FGD2: variants seen among roughly 807,000 people sequenced by gnomAD.
The protein encoded by FGD2 is FYVE, RhoGEF and PH domain-containing protein 2.
A neutral mutation model predicts 75.9 loss-of-function variants in FGD2; 52 were observed. That is an observed-to-expected ratio of 0.69 (90% CI 0.55 to 0.86). FGD2 has a LOEUF of 0.86. Ranked by LOEUF, FGD2 falls within the 40% of genes least tolerant of loss-of-function variation. The probability of loss-of-function intolerance (pLI) is 0.00; values close to 1 mark genes in which losing one functional copy is unlikely to be tolerated. For missense variants in FGD2, 790 were observed against 872.0 expected, an observed-to-expected ratio of 0.91 and a Z score of 1.18; for synonymous variants, 347 against 348.6, an observed-to-expected ratio of 1.00 and a Z score of 0.05.
chr6:37,010,822 A>C, intron 2 of FGD2, 151 bp from the exon 3 acceptor site: 1 of 698,392 alleles, frequency 1.4e-6, no homozygotes, highest in South Asian at 1.7e-5. Flanking sequence ...AAGCCACCCC[A>C]GGGCCGGCCC....
At chr6:37,020,037 G>A (rs1247772958) in intron 9 of FGD2, among the ~76,000 whole-genome samples, 2 of 152,042 alleles carry the variant, frequency 1.3e-5, no homozygotes, top group Non-Finnish European at 2.9e-5. Context: ...ACTTTTAGAA[G>A]AGATGGGTTT....
Position 37,014,113 on chromosome 6 carries a change from C to G in FGD2, c.823+13C>G. The G allele has an allele frequency of 6.2e-7, 1 of 1,611,274 alleles. No individual in the cohort carries two copies. Among genetic ancestry groups the G allele is most frequent in the East Asian group, 2.2e-5 (1 of 44,864 alleles). On this transcript the variant is annotated intron_variant, in intron 6 of 15. Transcript: ENST00000274963. Reference sequence around the variant, plus strand: ...GCCGATGCCCAGAGTGAGGACACCCCCAGGGGTCCCAGGGGGCTGAGGAGG... The same window carrying G: ...GCCGATGCCCAGAGTGAGGACACCCGCAGGGGTCCCAGGGGGCTGAGGAGG...
intron 6 of FGD2, 43 bp from the exon 7 acceptor site, chr6:37,014,603 C>T: frequency 3.1e-6 from 5 of 1,610,076 alleles, no homozygotes; most frequent in South Asian, 1.1e-5. Flanking sequence ...CAGCCACCAG[C>T]CCTAGATTCT....
intron 14 of FGD2, 148 bp downstream of exon 14, chr6:37,026,086 C>A: frequency 1.4e-6 from 2 of 1,459,514 alleles, no homozygotes; most frequent in South Asian, 1.4e-5. Flanking sequence ...TCTCTCTGCC[C>A]ACAGACCCCA....
chr6:37,021,534 A>G lies in FGD2; in HGVS notation c.1256A>G (p.Gln419Arg). Reference sequence around the variant, plus strand: ...CAGGCCTTCCAAGCAGCCATTGACCAAATCGAGAAGCGGAATGAAACCTTC... The same window carrying G: ...CAGGCCTTCCAAGCAGCCATTGACCGAATCGAGAAGCGGAATGAAACCTTC... ...WMQAFQAAID[Q>R]IEKRNETFKA... Residue 419 changes from glutamine to arginine, a missense_variant, in exon 12 of 16, where the codon CAA becomes CGA. Gln to Arg is a conservative substitution (Grantham distance 43). Transcript: ENST00000274963. 11 of 1,613,864 alleles carry G rather than the reference A, an allele frequency of 6.8e-6. No individual in the cohort carries two copies. The highest frequency in any genetic ancestry group is 9.3e-6 in the Non-Finnish European group (11 of 1,179,846).
At chr6:37,024,687 G>C (rs1278107407) in intron 13 of FGD2, 1 of 152,130 alleles carries the variant, frequency 6.6e-6, no homozygotes, top group African/African-American at 2.4e-5. Context: ...CATTGAAATC[G>C]CTCAATAAAA....
At chr6:37,019,372 A>G (rs1444810236) in intron 9 of FGD2, among the ~76,000 whole-genome samples, 1 of 152,240 alleles carries the variant, frequency 6.6e-6, no homozygotes, top group Non-Finnish European at 1.5e-5. Flanking sequence ...CTTCTAAGGC[A>G]AAGACTGGGG....
At chr6:37,016,044 T>A (rs564654499) in intron 9 of FGD2, among the ~76,000 whole-genome samples, 184 bp downstream of exon 9, 1 of 152,194 alleles carries the variant, frequency 6.6e-6, no homozygotes, top group Non-Finnish European at 1.5e-5. Flanking sequence ...GCCCTGTCCT[T>A]CCCAGCTTCC....
rs772703341 is a variant in FGD2, at chr6:37,011,737, G to T, written c.410G>T (p.Arg137Leu). 2 of 1,614,010 alleles carry T rather than the reference G, an allele frequency of 1.2e-6. No homozygotes were observed. The highest frequency in any genetic ancestry group is 1.7e-6 in the Non-Finnish European group (2 of 1,180,000). ...VFFQELLKTA[R>L]SSKAFPEDVV... ...TTCCAGGAGCTGCTGAAGACAGCCC[G>T]CAGCAGCAAGGCCTTCCCAGAGGAT... Residue 137 changes from arginine (R) to leucine (L), a missense_variant, in exon 4 of 16, where the codon CGC (arginine) becomes CTC (leucine). By Grantham distance (102) the Arg-to-Leu change is moderately radical. Transcript: ENST00000274963.
At chr6:37,008,319 G>A (rs1187078333) in intron 1 of FGD2, among the ~76,000 whole-genome samples, 1 of 152,164 alleles carries the variant, frequency 6.6e-6, no homozygotes, top group African/African-American at 2.4e-5. Context: ...CCCGTCCCTG[G>A]GAGAACAGAG....
rs1764978070 is a variant in FGD2, at chr6:37,011,036, C to T, written c.364C>T (p.His122Tyr). The change falls in exon 3 of 16, where the codon CAC becomes TAC. Residue 122 changes from histidine to tyrosine, a missense_variant. By Grantham distance (83) the His-to-Tyr change is moderately conservative. Transcript: ENST00000274963. ...AGAGCAGGCCTATGTGGCGCGCCTC[C>T]ACCTGCTAGACCAGGCCAGTGACCA... Reference protein sequence around the residue: ...ETEQAYVARLHLLDQVFFQEL... With the variant: ...ETEQAYVARLYLLDQVFFQEL... 1 of 1,614,178 alleles carries T rather than the reference C, an allele frequency of 6.2e-7. No homozygotes were observed. The highest frequency in any genetic ancestry group is 1.1e-5 in the South Asian group (1 of 91,088).
chr6:37,014,677 G>A lies in FGD2; in HGVS notation c.855G>A (p.Gln285=), dbSNP rs1423287730. The change falls in exon 7 of 16, where the codon CAG becomes CAA. Residue 285 remains glutamine (Q), a synonymous_variant. Coordinates refer to ENST00000274963, the MANE Select transcript of FGD2 (RefSeq NM_173558.4). ...KALDMIFSAA[Q]HSNAAITEME... is the part of the protein sequence containing the mutation. ...TGGACATGATCTTCTCAGCTGCCCA[G>A]CACTCCAATGCAGCCATCACTGAGA... 13 of 1,614,034 alleles carry A rather than the reference G, an allele frequency of 8.1e-6. No individual in the cohort carries two copies. The highest frequency in any genetic ancestry group is 1.0e-5 in the Non-Finnish European group (12 of 1,180,000).
At chr6:37,008,727 C>T in intron 1 of FGD2, 107 bp from the exon 2 acceptor site, 1 of 1,065,706 alleles carries the variant, frequency 9.4e-7, no homozygotes, top group Non-Finnish European at 1.3e-6. Flanking sequence ...CCCAGGGGCC[C>T]CTGCACTGGG....
At chr6:37,026,572 A>G (rs995169192) in intron 14 of FGD2, among the ~76,000 whole-genome samples, 7 of 152,038 alleles carry the variant, frequency 4.6e-5, no homozygotes, top group Non-Finnish European at 7.4e-5. Flanking sequence ...CACAAATACA[A>G]TGTCAACCAG....
intron 9 of FGD2, among the ~76,000 whole-genome samples, chr6:37,017,801 C>G (rs1384370011): frequency 1.3e-5 from 2 of 150,302 alleles, no homozygotes; most frequent in African/African-American, 4.8e-5. Flanking sequence ...AGCAAAAGAG[C>G]CCCACCCCTG....
At chr6:37,010,909 C>T (rs888612149) in intron 2 of FGD2, 64 bp from the exon 3 acceptor site, 2 of 1,512,144 alleles carry the variant, frequency 1.3e-6, no homozygotes, top group Non-Finnish European at 1.8e-6. Context: ...CCGAGGTCCC[C>T]ATCAGAGGAG....
intron 9 of FGD2, among the ~76,000 whole-genome samples, chr6:37,019,110 C>T (rs1465498705): frequency 6.6e-6 from 1 of 152,172 alleles, no homozygotes; most frequent in East Asian, 1.9e-4. Flanking sequence ...GGATTTCTCC[C>T]TTCTTTTCCC....
rs765862485 is a variant in FGD2, at chr6:37,005,787, G to T, written c.-31G>T. 1.9e-6 allele frequency: 3 copies of T among 1,612,036 alleles called. No individual in the cohort carries two copies. In the South Asian group the frequency reaches 3.3e-5, roughly 18 times the overall value. ...GGAGGCCTCTCTCTCTGCTTCGAGG[G>T]TAGCTGAGATCCACCCCGGAAACCG... On this transcript the variant is annotated 5_prime_UTR_variant, in exon 1 of 16. Coordinates refer to ENST00000274963, the MANE Select transcript of FGD2 (RefSeq NM_173558.4).
intron 6 of FGD2, 71 bp from the exon 7 acceptor site, chr6:37,014,575 T>C (rs1403731003): frequency 2.5e-6 from 4 of 1,581,408 alleles, no homozygotes; most frequent in Non-Finnish European, 3.4e-6. Flanking sequence ...TTTGTTGAAC[T>C]TCAAGGACCT....
Sources: gnomAD v4.1 joint callset for allele counts (sites outside exome capture counted in the v4.1 genomes callset) on GRCh38, gnomAD v4.1.1 for gene constraint, MANE v1.5 for transcripts, NCBI Gene and HGNC (gene_info 2026-07-23, HGNC 2026-07-21) for gene names.